Variants in NELFCD observed in about 807,000 individuals in gnomAD.
NELFCD encodes negative elongation factor C/D.
NELFCD carries 48 observed loss-of-function variants against 72.9 expected under a neutral mutation model. The observed-to-expected ratio is 0.66, with a 90% confidence interval of 0.52 to 0.84. The LOEUF (loss-of-function observed/expected upper bound fraction) is 0.84. Among genes scored for constraint, NELFCD ranks in the 40% least tolerant of loss-of-function variants. The probability of loss-of-function intolerance (pLI) is 0.00; values close to 1 mark genes in which losing one functional copy is unlikely to be tolerated. For synonymous variants in NELFCD, 297 were observed against 280.6 expected (o/e 1.06, Z -0.59); for missense variants, 538 against 723.8 (o/e 0.74, Z 2.94).
At position 58,994,134 on chromosome 20, in the gene NELFCD, T is replaced by C. The variant is rs1475616684; in HGVS notation, c.1606T>C (p.Tyr536His). ...GGTGCTGGACGTCATTGCTCCTCCT[T>C]ATACCTCTGACTTCGTGCAACTTTT... Reference protein sequence around the residue: ...TEVLDVIAPPYTSDFVQLFLP... With the variant: ...TEVLDVIAPPHTSDFVQLFLP... Residue 536 changes from tyrosine to histidine, a missense_variant, in exon 14 of 15, where the codon TAT (tyrosine) becomes CAT (histidine). By Grantham distance (83) the Tyr-to-His change is moderately conservative. Transcript: ENST00000652272. 6.2e-7 allele frequency: 1 copy of C among 1,614,068 alleles called. No homozygotes were observed. The highest frequency in any genetic ancestry group is 1.7e-5 in the Admixed American group (1 of 60,006).
chr20:58,985,691 GTTTACTA>G (rs1249249070), intron 1 of NELFCD, among the ~76,000 whole-genome samples: 3 of 152,156 alleles, frequency 2.0e-5, no homozygotes, highest in African/African-American at 7.2e-5. Context: ...AATAATAATA[GTTTACTA>G]TTTATTGCAC....
intron 1 of NELFCD, among the ~76,000 whole-genome samples, chr20:58,984,448 A>G (rs925766060): frequency 1.3e-5 from 2 of 152,190 alleles, no homozygotes; most frequent in South Asian, 2.1e-4. Flanking sequence ...GAGCAGAGGC[A>G]AATGTGGAAA....
intron 5 of NELFCD, 111 bp from the exon 6 acceptor site, chr20:58,989,377 C>T (rs2091796178): frequency 2.3e-6 from 3 of 1,317,728 alleles, no homozygotes; most frequent in Non-Finnish European, 3.2e-6. Flanking sequence ...GGCCTGAGAC[C>T]CACGACCAGC....
intron 1 of NELFCD, among the ~76,000 whole-genome samples, chr20:58,981,868 C>G (rs1181005264): frequency 6.6e-6 from 1 of 152,216 alleles, no homozygotes; most frequent in Admixed American, 6.5e-5. Flanking sequence ...CTCTTCAGCA[C>G]CTTGGGCTGA....
chr20:58,994,028 A>C, intron 13 of NELFCD, 82 bp from the exon 14 acceptor site: 1 of 1,540,292 alleles, frequency 6.5e-7, no homozygotes, highest in Non-Finnish European at 8.9e-7. Flanking sequence ...ATTTTTTCCA[A>C]ACTGATGGCC....
intron 1 of NELFCD, among the ~76,000 whole-genome samples, chr20:58,984,131 C>T (rs997465394): frequency 2.0e-5 from 3 of 152,084 alleles, no homozygotes; most frequent in Admixed American, 1.3e-4. Flanking sequence ...AGGAGGCCAC[C>T]GTGATGTTCA....
At position 58,986,901 on chromosome 20, in the gene NELFCD, C is replaced by G. The variant is rs1187024059; in HGVS notation, c.286+38C>G. ...TGTCCCCTGTCCTGGCTAGTTACCCCCACTTTTTTAAAAATAGACTTTTGG... is the reference window on the plus strand; with the variant it reads ...TGTCCCCTGTCCTGGCTAGTTACCCGCACTTTTTTAAAAATAGACTTTTGG... On this transcript the variant is annotated intron_variant, in intron 3 of 14. Coordinates refer to ENST00000652272, the MANE Select transcript of NELFCD (RefSeq NM_198976.4). This position sits in a 1 kb window ranked among gnomAD's most constrained non-coding sequence, Gnocchi z 4.4. 7.3e-7 allele frequency: 1 copy of G among 1,370,666 alleles called. No homozygotes were observed. 84.9% of individuals were successfully genotyped at this position (1,370,666 alleles called of 1,614,324 possible).
chr20:58,994,102 C>A lies in NELFCD; in HGVS notation c.1582-8C>A, dbSNP rs375726691. The A allele has an allele frequency of 1.2e-6, 2 of 1,613,854 alleles. No individual in the cohort carries two copies. The highest frequency in any genetic ancestry group is 2.7e-5 in the African/African-American group (2 of 74,940). On this transcript the variant is annotated splice_region_variant and splice_polypyrimidine_tract_variant and intron_variant, in intron 13 of 14. Transcript: ENST00000652272. ...GCGGAAGAAGTCACCCTGTGCTCCC[C>A]CACGCAGGTGCTGGACGTCATTGCT... is the stretch of plus-strand genomic sequence containing the variant.
chr20:58,988,311 C>T (rs544641693), intron 4 of NELFCD, among the ~76,000 whole-genome samples: 15 of 152,324 alleles, frequency 9.8e-5, no homozygotes, highest in East Asian at 7.7e-4. Context: ...GTTTCCAGAA[C>T]GTTCCAGCCA....
rs1271851709 is a variant in NELFCD, at chr20:58,993,751, A to G, written c.1568A>G (p.Tyr523Cys). 9 of 1,614,134 alleles carry G rather than the reference A, an allele frequency of 5.6e-6. No homozygotes were observed. Among genetic ancestry groups the G allele is most frequent in the South Asian group, 4.4e-5 (4 of 91,086 alleles). ...GACACTGACATTTCACTCATTCGCT[A>G]TTTTGTCACTGAGGTCAGCAATGCA... ...KLDTDISLIR[Y>C]FVTEVLDVIA... The change falls in exon 13 of 15, where the codon TAT (tyrosine) becomes TGT (cysteine). Residue 523 changes from tyrosine to cysteine, a missense_variant. Transcript: ENST00000652272. The surrounding 1 kb of genome is among the most constrained non-coding windows in gnomAD (Gnocchi z 5.0).
At chr20:58,990,276 T>C in intron 7 of NELFCD, 1 of 343,522 alleles carries the variant, frequency 2.9e-6, no homozygotes, top group Non-Finnish European at 5.5e-6. Flanking sequence ...GGCACATGCC[T>C]GTAATCCCAG....
intron 5 of NELFCD, 44 bp from the exon 6 acceptor site, chr20:58,989,444 G>C (rs375403961): frequency 6.2e-7 from 1 of 1,604,096 alleles, no homozygotes. Context: ...GTGGAGGTGC[G>C]GTCACTGCAT....
Position 58,993,878 on chromosome 20 carries a change from G to T in NELFCD, c.1581+114G>T. The T allele has an allele frequency of 7.7e-7, 1 of 1,299,076 alleles. No homozygotes were observed. Among genetic ancestry groups the T allele is most frequent in the Non-Finnish European group, 1.1e-6 (1 of 927,240 alleles). 80.5% of individuals were successfully genotyped at this position (1,299,076 alleles called of 1,614,324 possible). A position where few individuals can be genotyped will look rare whatever the true frequency, so the allele number is the denominator to read the frequency against. On this transcript the variant is annotated intron_variant, in intron 13 of 14. Coordinates refer to ENST00000652272, the MANE Select transcript of NELFCD (RefSeq NM_198976.4). The surrounding 1 kb of genome is among the most constrained non-coding windows in gnomAD (Gnocchi z 5.0). ...TGAGAACTGTGCTTTCTGATGTAGT[G>T]ATGACAATGACAGATACTCGTTTAC...
rs773025848 is a variant in NELFCD, at chr20:58,981,277, G to C, written c.-33G>C. Reference sequence around the variant, plus strand: ...GCGCATGCGCCGCGCTCGCTCGCGGGAGGGCATGGCGGGGGCCGTGCCGGG... The same window carrying C: ...GCGCATGCGCCGCGCTCGCTCGCGGCAGGGCATGGCGGGGGCCGTGCCGGG... On this transcript the variant is annotated 5_prime_UTR_variant, in exon 1 of 15. Transcript: ENST00000652272. 3 of 1,066,000 alleles carry C rather than the reference G, an allele frequency of 2.8e-6. No individual in the cohort carries two copies. The highest frequency in any genetic ancestry group is 3.4e-6 in the Non-Finnish European group (3 of 880,422). The allele number at this position is 1,066,000 out of a possible 1,614,324, so 66.0% of individuals were successfully genotyped here. A position where few individuals can be genotyped will look rare whatever the true frequency, so the allele number is the denominator to read the frequency against.
In NELFCD at chr20:58,994,777, A is replaced by G; in HGVS notation, c.*101A>G. ...AAGAGGCTCGGGCAGCGTCTTGAAAATGGGCACCGCTGGGAGGAGGTGGAT... is the reference window on the plus strand; with the variant it reads ...AAGAGGCTCGGGCAGCGTCTTGAAAGTGGGCACCGCTGGGAGGAGGTGGAT... On this transcript the variant is annotated 3_prime_UTR_variant, in exon 15 of 15. Coordinates refer to ENST00000652272, the MANE Select transcript of NELFCD (RefSeq NM_198976.4). The G allele has an allele frequency of 3.2e-6, 3 of 949,636 alleles. No homozygotes were observed. Among genetic ancestry groups the G allele is most frequent in the East Asian group, 4.8e-5 (2 of 41,658 alleles). The allele number at this position is 949,636 out of a possible 1,614,324, so 58.8% of individuals were successfully genotyped here. A position where few individuals can be genotyped will look rare whatever the true frequency, so the allele number is the denominator to read the frequency against.
intron 10 of NELFCD, 28 bp from the exon 11 acceptor site, chr20:58,992,970 T>C: frequency 6.5e-7 from 1 of 1,527,476 alleles, no homozygotes. Context: ...AATTGTTTTT[T>C]AAAGGAAGCA....
intron 1 of NELFCD, among the ~76,000 whole-genome samples, chr20:58,983,388 G>A (rs1421183052): frequency 2.0e-5 from 3 of 150,942 alleles, no homozygotes; most frequent in Admixed American, 6.6e-5. Flanking sequence ...CGCCTGCCCC[G>A]GCCTCCCAAA....
In NELFCD at chr20:58,993,048, C is replaced by G; in HGVS notation, c.1280C>G (p.Ser427Ter). ...GVLKWVDWTV[S>*]EPRYFQLQTD... ...CTGAAGTGGGTGGATTGGACTGTAT[C>G]AGAACCAAGGTACTTTCAGCTGCAG... The change falls in exon 11 of 15, where the codon TCA (serine) becomes TGA (stop). Residue 427 changes from serine to a stop codon, truncating the protein, a stop_gained. Transcript: ENST00000652272. LOFTEE classifies it high-confidence loss of function. This position sits in a 1 kb window ranked among gnomAD's most constrained non-coding sequence, Gnocchi z 5.0. The G allele has an allele frequency of 6.2e-7, 1 of 1,614,122 alleles. No homozygotes were observed. Among genetic ancestry groups the G allele is most frequent in the South Asian group, 1.1e-5 (1 of 91,086 alleles).
Position 58,993,158 on chromosome 20 carries a change from A to T in NELFCD, c.1344+46A>T, listed in dbSNP as rs368112048. The T allele has an allele frequency of 1.4e-6, 2 of 1,389,916 alleles. No homozygotes were observed. Among genetic ancestry groups the T allele is most frequent in the Non-Finnish European group, 2.0e-6 (2 of 976,040 alleles). The allele number at this position is 1,389,916 out of a possible 1,614,324, so 86.1% of individuals were successfully genotyped here. ...TCACAGCCTACACAGTGTCTGTCTC[A>T]TGCTGTTTACGTTGGCATTAACATT... On this transcript the variant is annotated intron_variant, in intron 11 of 14. Coordinates refer to ENST00000652272, the MANE Select transcript of NELFCD (RefSeq NM_198976.4). The surrounding 1 kb of genome is among the most constrained non-coding windows in gnomAD (Gnocchi z 5.0).
Sources: allele counts gnomAD v4.1 joint callset (sites outside exome capture counted in the v4.1 genomes callset), GRCh38; gene constraint gnomAD v4.1.1; non-coding constraint Gnocchi (gnomAD v3.1); transcripts MANE v1.5; gene names NCBI Gene and HGNC (gene_info 2026-07-23, HGNC 2026-07-21).